PEX14: variants seen among roughly 807,000 people sequenced by gnomAD.
PEX14 encodes peroxisomal membrane protein PEX14.
PEX14 carries 15 observed loss-of-function variants against 49.5 expected under a neutral mutation model. That is an observed-to-expected ratio of 0.30 (90% CI 0.20 to 0.47). The LOEUF (loss-of-function observed/expected upper bound fraction) is 0.47. Among genes scored for constraint, PEX14 ranks in the 20% least tolerant of loss-of-function variants. The probability of loss-of-function intolerance (pLI) is 1.00; values close to 1 mark genes in which losing one functional copy is unlikely to be tolerated. For synonymous variants in PEX14, 210 were observed against 212.7 expected (o/e 0.99, Z 0.11); for missense variants, 398 against 494.8 (o/e 0.80, Z 1.86).
intron 2 of PEX14, among the ~76,000 whole-genome samples, chr1:10,501,044 G>T (rs1309488764): frequency 6.6e-6 from 1 of 152,210 alleles, no homozygotes; most frequent in Non-Finnish European, 1.5e-5. Context: ...CATGGGTAAT[G>T]AAACCAGCCA....
chr1:10,537,350 C>A (rs888032037), intron 3 of PEX14, among the ~76,000 whole-genome samples: 1 of 92,878 alleles, frequency 1.1e-5, no homozygotes, highest in African/African-American at 3.9e-5. Context: ...CACCCCCCCC[C>A]CCCGCCATCA....
chr1:10,581,813 C>T (rs1031153038), intron 3 of PEX14, among the ~76,000 whole-genome samples: 4 of 150,114 alleles, frequency 2.7e-5, no homozygotes, highest in Admixed American at 6.6e-5. Flanking sequence ...AAGGCTTTTT[C>T]GTTTGTCTCC....
At chr1:10,624,795 G>T (rs1641697989) in intron 7 of PEX14, among the ~76,000 whole-genome samples, 1 of 152,180 alleles carries the variant, frequency 6.6e-6, no homozygotes, top group Admixed American at 6.5e-5. Context: ...AAGTTAGGTT[G>T]CAGGTCACAG....
rs1641492810 is a variant in PEX14 at position 10,618,412 on chromosome 1, T to C, written c.379T>C (p.Tyr127His). The change falls in exon 5 of 9, where the codon TAC (tyrosine) becomes CAC (histidine). Residue 127 changes from tyrosine to histidine, a missense_variant. Around this residue, in one of 3 missense-constraint regions of PEX14, gnomAD observed 202 missense variants for 298.5 expected, o/e 0.68. Coordinates refer to ENST00000356607, the MANE Select transcript of PEX14 (RefSeq NM_004565.3). ...AGIAFGFHQL[Y>H]KKYLLPLILG... ...CATTGCATTTGGCTTTCACCAGCTC[T>C]ACAAGGTGAGTCACCCCCAGCGGCT... is the stretch of plus-strand genomic sequence containing the variant. The C allele has an allele frequency of 6.2e-7, 1 of 1,611,532 alleles. No homozygotes were observed. Among genetic ancestry groups the C allele is most frequent in the Admixed American group, 1.7e-5 (1 of 60,010 alleles).
At chr1:10,505,766 C>T (rs1379532979) in intron 2 of PEX14, among the ~76,000 whole-genome samples, 8 of 151,726 alleles carry the variant, frequency 5.3e-5, no homozygotes, top group Admixed American at 1.3e-4. Context: ...CTACAACCTC[C>T]GCCTCCCGGG....
chr1:10,618,337 G>T lies in PEX14; in HGVS notation c.304G>T (p.Ala102Ser), dbSNP rs753731034. The T allele has an allele frequency of 1.2e-6, 2 of 1,613,556 alleles. No individual in the cohort carries two copies. Among genetic ancestry groups the T allele is most frequent in the Non-Finnish European group, 1.7e-6 (2 of 1,179,754 alleles). The change falls in exon 5 of 9, where the codon GCA becomes TCA. Residue 102 changes from alanine to serine, a missense_variant. Physicochemically the swap from Ala to Ser is moderately conservative, Grantham distance 99 (BLOSUM62 1). This residue lies in a region of PEX14 where 202 missense variants were observed against 298.5 expected (regional missense o/e 0.68). Coordinates refer to ENST00000356607, the MANE Select transcript of PEX14 (RefSeq NM_004565.3). ...CCTCCTCTTCCCGCCTGTAGGTCCC[G>T]CAGGCTCCCGATGGCGAGATTACGG... is the stretch of plus-strand genomic sequence containing the variant. ...PHLISQPYSPAGSRWRDYGAL... is the reference protein window; with the variant it reads ...PHLISQPYSPSGSRWRDYGAL...
In PEX14 at chr1:10,616,420, G is replaced by A. The variant is rs149041325; in HGVS notation, c.299-1912G>A. ...AGTCTCTCAAGCAGCAAGTCCTTCA[G>A]CTTCACTCGGCCGTGTTGTGACGTT... On this transcript the variant is annotated intron_variant, in intron 4 of 8. Transcript: ENST00000356607. 1.9e-3 allele frequency among the ~76,000 whole-genome samples: 282 copies of A among 152,294 alleles called. 3 individuals carry two copies. The highest frequency in any genetic ancestry group is 6.6e-3 in the African/African-American group (275 of 41,562).
At chr1:10,477,157 G>A (rs1355455118) in intron 1 of PEX14, among the ~76,000 whole-genome samples, 1 of 151,298 alleles carries the variant, frequency 6.6e-6, no homozygotes, top group Non-Finnish European at 1.5e-5. Context: ...TGCAACCTCC[G>A]CCTCCTGGGT....
intron 3 of PEX14, among the ~76,000 whole-genome samples, chr1:10,587,799 A>T (rs901009697): frequency 6.6e-6 from 1 of 151,986 alleles, no homozygotes; most frequent in Non-Finnish European, 1.5e-5. Context: ...ATCCTCCAAG[A>T]TAACCTAATT....
At chr1:10,532,170 C>G (rs988117242) in intron 2 of PEX14, among the ~76,000 whole-genome samples, 1 of 152,134 alleles carries the variant, frequency 6.6e-6, no homozygotes, top group Non-Finnish European at 1.5e-5. Flanking sequence ...ACCTGAAGTC[C>G]CCCCCGCTTT....
chr1:10,562,913 TC>T (rs1374221316), intron 3 of PEX14, among the ~76,000 whole-genome samples: 23 of 87,232 alleles, frequency 2.6e-4, no homozygotes, highest in South Asian at 3.7e-4. Context: ...TTTCTTTCTT[TC>T]TTTTCTTTTT....
intron 3 of PEX14, among the ~76,000 whole-genome samples, chr1:10,577,737 A>G (rs1640193044): frequency 6.7e-6 from 1 of 148,466 alleles, no homozygotes; most frequent in African/African-American, 2.5e-5. Context: ...AGTAGCTGGG[A>G]CTACAGGTAC....
At chr1:10,560,742 G>A (rs1171585696) in intron 3 of PEX14, among the ~76,000 whole-genome samples, 1 of 143,862 alleles carries the variant, frequency 7.0e-6, no homozygotes, top group Admixed American at 7.0e-5. Context: ...TTTTGAGACG[G>A]AGTCTTGCTC....
rs1381501677 is a variant in PEX14, at chr1:10,597,789, A to G, written c.170-1449A>G. The stretch of plus-strand genomic sequence containing the variant: ...CAGTTTTAAATGGGGATAGTCCTCA[A>G]CTCCTCAGCACAGAGAAGGGAAAAA... On this transcript the variant is annotated intron_variant, in intron 3 of 8. Transcript: ENST00000356607. This position sits in a 1 kb window ranked among gnomAD's most constrained non-coding sequence, Gnocchi z 5.7. Among the ~76,000 whole-genome samples, 1 of 151,968 alleles carries G rather than the reference A, an allele frequency of 6.6e-6. No individual in the cohort carries two copies. The highest frequency in any genetic ancestry group is 2.4e-5 in the African/African-American group (1 of 41,356).
rs1159220647 is a variant in PEX14 at position 10,570,930 on chromosome 1, C to A, written c.170-28308C>A. Among the ~76,000 whole-genome samples the A allele has an allele frequency of 1.0e-4, 15 of 145,710 alleles. No homozygotes were observed. In the Admixed American group the frequency reaches 1.1e-3, roughly 10 times the overall value. ...TGGCGTGATCACAGCTCACTGCAGT[C>A]TTGACCTCCCCAGGCTCAGGTAATC... On this transcript the variant is annotated intron_variant, in intron 3 of 8. Transcript: ENST00000356607.
chr1:10,564,714 A>G (rs908011205), intron 3 of PEX14, among the ~76,000 whole-genome samples: 2 of 150,656 alleles, frequency 1.3e-5, no homozygotes, highest in Non-Finnish European at 2.9e-5. Flanking sequence ...GATTATAGGC[A>G]TGGGCCACTA....
intron 3 of PEX14, among the ~76,000 whole-genome samples, chr1:10,577,436 C>T (rs1382211089): frequency 8.0e-6 from 1 of 125,188 alleles, no homozygotes; most frequent in African/African-American, 2.9e-5. Context: ...AAAAACAATT[C>T]TGAGAGTTCT....
chr1:10,602,300 T>C (rs958978993), intron 4 of PEX14, among the ~76,000 whole-genome samples: 3 of 152,300 alleles, frequency 2.0e-5, no homozygotes, highest in African/African-American at 7.2e-5. Flanking sequence ...TTTAAATACC[T>C]GAAGTTTTTA....
chr1:10,553,068 G>T (rs919312142), intron 3 of PEX14, among the ~76,000 whole-genome samples: 1 of 152,180 alleles, frequency 6.6e-6, no homozygotes, highest in Admixed American at 6.5e-5. Context: ...CCACGGAAAA[G>T]TTGTATGTGG....
Sources: gnomAD v4.1 joint callset for allele counts (sites outside exome capture counted in the v4.1 genomes callset) on GRCh38, gnomAD v4.1.1 for gene constraint, gnomAD v4.1.1 regional missense constraint, Gnocchi (gnomAD v3.1) non-coding constraint, MANE v1.5 for transcripts, NCBI Gene and HGNC (gene_info 2026-07-23, HGNC 2026-07-21) for gene names.